The following ADGRV1 variants were observed in gnomAD, a reference collection of about 807,000 sequenced individuals.
ADGRV1 encodes G-protein coupled receptor 98.
In ADGRV1, 359 loss-of-function variants were observed where a neutral mutation model predicts 596.2. The ratio of observed to expected loss-of-function variants is 0.60; its 90% CI spans 0.55 to 0.66. The LOEUF (loss-of-function observed/expected upper bound fraction) is 0.66. Ranked by LOEUF, ADGRV1 falls within the 30% of genes least tolerant of loss-of-function variation. The probability of loss-of-function intolerance (pLI) is 0.00; values close to 1 mark genes in which losing one functional copy is unlikely to be tolerated. For missense variants in ADGRV1, 7,274 were observed against 7,575.6 expected, an observed-to-expected ratio of 0.96 and a Z score of 1.48; for synonymous variants, 2,681 against 2,679.2, an observed-to-expected ratio of 1.00 and a Z score of -0.02.
chr5:90,676,571 A>G (rs1465951110), intron 25 of ADGRV1, among the ~76,000 whole-genome samples: 2 of 152,176 alleles, frequency 1.3e-5, no homozygotes, highest in Non-Finnish European at 2.9e-5. Flanking sequence ...TCTGAGTAAT[A>G]TCTCTGTTTA....
intron 87 of ADGRV1, among the ~76,000 whole-genome samples, chr5:91,143,394 G>T (rs907087984): frequency 6.6e-6 from 1 of 152,182 alleles, no homozygotes; most frequent in African/African-American, 2.4e-5. Context: ...GTAGAAGGAG[G>T]TATGCAGACA....
At position 91,093,392 on chromosome 5, in the gene ADGRV1, G is replaced by A. The variant is rs544594336; in HGVS notation, c.18311-8827G>A. 1.9e-4 allele frequency among the ~76,000 whole-genome samples: 29 copies of A among 152,248 alleles called. No homozygotes were observed. The East Asian group carries it at 1.9e-3, about 10-fold the overall frequency. ...GCATTCTCTTCATTCTTGTACTTTCGAAGTCCAGGGCTTCTCTAAAAAGAA... is the reference window on the plus strand; with the variant it reads ...GCATTCTCTTCATTCTTGTACTTTCAAAGTCCAGGGCTTCTCTAAAAAGAA... On this transcript the variant is annotated intron_variant, in intron 86 of 89. Transcript: ENST00000405460.
At chr5:90,638,281 G>C (rs990582066) in intron 11 of ADGRV1, among the ~76,000 whole-genome samples, 19 of 151,876 alleles carry the variant, frequency 1.3e-4, no homozygotes, top group African/African-American at 3.4e-4. Context: ...TAAAATGTTA[G>C]GTTAAGCAAA....
At chr5:90,629,711 TA>T (rs1364914379) in intron 9 of ADGRV1, 172 bp downstream of exon 9, 17 of 519,802 alleles carry the variant, frequency 3.3e-5, no homozygotes, top group Non-Finnish European at 5.4e-5. Flanking sequence ...TCCTAAGGTA[TA>T]TAAGTATAAA....
At chr5:90,945,901 C>T (rs1303649841) in intron 83 of ADGRV1, among the ~76,000 whole-genome samples, 1 of 151,922 alleles carries the variant, frequency 6.6e-6, no homozygotes, top group Non-Finnish European at 1.5e-5. Flanking sequence ...GCACTTGACC[C>T]CAGGAGGTAG....
At chr5:91,027,627 T>G (rs1473218653) in intron 85 of ADGRV1, among the ~76,000 whole-genome samples, 1 of 152,158 alleles carries the variant, frequency 6.6e-6, no homozygotes, top group Non-Finnish European at 1.5e-5. Flanking sequence ...GAGGGGGTGA[T>G]GAAGAGTTCA....
At chr5:91,152,223 AG>A (rs2126907677) in intron 88 of ADGRV1, among the ~76,000 whole-genome samples, 1 of 152,366 alleles carries the variant, frequency 6.6e-6, no homozygotes, top group African/African-American at 2.4e-5. Context: ...AAGTACAGGA[AG>A]GAAGGATTAA....
Position 90,694,213 on chromosome 5 carries a change from T to C in ADGRV1, c.7457T>C (p.Met2486Thr). 3.7e-6 allele frequency: 6 copies of C among 1,613,934 alleles called. No individual in the cohort carries two copies. Among genetic ancestry groups the C allele is most frequent in the Non-Finnish European group, 5.1e-6 (6 of 1,179,852 alleles). ...NSDFWTYRKN[M>T]TRVASLFSGQ... ...GACTTCTGGACCTACAGGAAAAACATGACCAGGGTAGCATCTCTTTTTAGT... is the reference window on the plus strand; with the variant it reads ...GACTTCTGGACCTACAGGAAAAACACGACCAGGGTAGCATCTCTTTTTAGT... Residue 2486 changes from methionine (M) to threonine (T), a missense_variant, in exon 33 of 90, where the codon ATG (methionine) becomes ACG (threonine). Transcript: ENST00000405460.
At chr5:90,931,110 C>G (rs1416954945) in intron 83 of ADGRV1, 1 of 152,160 alleles carries the variant, frequency 6.6e-6, no homozygotes, top group African/African-American at 2.4e-5. Flanking sequence ...GAGGTACTTG[C>G]TGGAAGTGTG....
intron 2 of ADGRV1, 44 bp from the exon 3 acceptor site, chr5:90,617,760 A>G: frequency 6.6e-7 from 1 of 1,523,848 alleles, no homozygotes; most frequent in Non-Finnish European, 8.9e-7. Context: ...TACTTGTCCT[A>G]ATACTGTGTT....
chr5:91,124,506 T>C (rs1433205917), intron 87 of ADGRV1, among the ~76,000 whole-genome samples: 1 of 152,210 alleles, frequency 6.6e-6, no homozygotes, highest in African/African-American at 2.4e-5. Context: ...CACTTACCAA[T>C]GTAGTTGTAC....
chr5:90,617,061 A>G (rs552670179), intron 2 of ADGRV1: 3 of 152,182 alleles, frequency 2.0e-5, no homozygotes, highest in Non-Finnish European at 1.5e-5. Flanking sequence ...TGTTTCTACA[A>G]ATAAAAGGAT....
intron 77 of ADGRV1, among the ~76,000 whole-genome samples, chr5:90,831,235 C>CTCTA (rs1554131170): frequency 1.4e-5 from 2 of 147,390 alleles, no homozygotes; most frequent in East Asian, 4.0e-4. Context: ...CTCTCTCTCT[C>CTCTA]TATATATATA....
chr5:90,824,303 A>G (rs1763881680), intron 76 of ADGRV1, among the ~76,000 whole-genome samples: 1 of 152,240 alleles, frequency 6.6e-6, no homozygotes, highest in Non-Finnish European at 1.5e-5. Context: ...CAAATATTCT[A>G]GAGCTGTCTT....
At chr5:90,706,569 T>C (rs757554945) in intron 38 of ADGRV1, among the ~76,000 whole-genome samples, 175 bp downstream of exon 38, 3 of 152,088 alleles carry the variant, frequency 2.0e-5, no homozygotes, top group African/African-American at 4.8e-5. Context: ...TTTTCCTTAT[T>C]ATTGTATTAA....
rs1440541587 is a variant in ADGRV1 at position 90,629,238 on chromosome 5, A to C, written c.1538A>C (p.Asp513Ala). 6.2e-7 allele frequency: 1 copy of C among 1,600,938 alleles called. No homozygotes were observed. The highest frequency in any genetic ancestry group is 8.5e-7 in the Non-Finnish European group (1 of 1,173,726). ...TTGTTCTACATTCAGGATAGTGATG[A>C]TGTCTATGGCCTAATAACATTTTTT... ...ELLFYIQDSD[D>A]VYGLITFFPM... Residue 513 changes from aspartate (D) to alanine (A), a missense_variant, in exon 9 of 90, where the codon GAT becomes GCT. Asp to Ala is a moderately radical substitution (Grantham distance 126). Coordinates refer to ENST00000405460, the MANE Select transcript of ADGRV1 (RefSeq NM_032119.4).
At chr5:90,577,112 T>C (rs1193299247) in intron 1 of ADGRV1, among the ~76,000 whole-genome samples, 1 of 152,218 alleles carries the variant, frequency 6.6e-6, no homozygotes, top group African/African-American at 2.4e-5. Flanking sequence ...GCAGAAGCTC[T>C]TTAGTTTAAT....
chr5:90,949,640 TACA>T (rs1776891280), intron 83 of ADGRV1, among the ~76,000 whole-genome samples: 3 of 152,186 alleles, frequency 2.0e-5, no homozygotes, highest in Non-Finnish European at 4.4e-5. Context: ...ACCTTCCCAC[TACA>T]GGGAAATTCT....
intron 1 of ADGRV1, among the ~76,000 whole-genome samples, chr5:90,611,283 A>C (rs1437790498): frequency 6.6e-6 from 1 of 151,892 alleles, no homozygotes. Context: ...GGAGAGACTG[A>C]ATATGATTAC....
Sources: gnomAD v4.1 joint callset for allele counts (sites outside exome capture counted in the v4.1 genomes callset) on GRCh38, gnomAD v4.1.1 for gene constraint, MANE v1.5 for transcripts, NCBI Gene and HGNC (gene_info 2026-07-23, HGNC 2026-07-21) for gene names.